The following CCDC175 variants were observed in gnomAD, a reference collection of about 807,000 sequenced individuals.
CCDC175 encodes the protein coiled-coil domain-containing protein 175.
A neutral mutation model predicts 114.6 loss-of-function variants in CCDC175; 100 were observed. That is an observed-to-expected ratio of 0.87 (90% CI 0.74 to 1.03). The LOEUF is 1.03. CCDC175 is among the 50% of genes least tolerant of loss of function. CCDC175 has a pLI of 0.00. For missense variants in CCDC175, 880 were observed against 917.8 expected, an observed-to-expected ratio of 0.96 and a Z score of 0.53; for synonymous variants, 306 against 308.7, an observed-to-expected ratio of 0.99 and a Z score of 0.09.
At chr14:59,525,044 G>A (rs540286963) in intron 16 of CCDC175, among the ~76,000 whole-genome samples, 3 of 152,284 alleles carry the variant, frequency 2.0e-5, no homozygotes, top group Admixed American at 2.0e-4. Flanking sequence ...GCTGGTTAGT[G>A]ACTAGAAGGG....
intron 8 of CCDC175, among the ~76,000 whole-genome samples, chr14:59,548,711 C>T (rs550276911): frequency 6.6e-6 from 1 of 152,192 alleles, no homozygotes; most frequent in Non-Finnish European, 1.5e-5. Flanking sequence ...AACAAACCAA[C>T]CTTGTCTGGT....
intron 17 of CCDC175, among the ~76,000 whole-genome samples, chr14:59,519,893 T>C (rs2139978139): frequency 6.6e-6 from 1 of 152,328 alleles, no homozygotes; most frequent in African/African-American, 2.4e-5. Flanking sequence ...AACTGCTACA[T>C]GGAGAGGCCA....
intron 7 of CCDC175, among the ~76,000 whole-genome samples, chr14:59,560,223 A>AT (rs1184279593): frequency 6.6e-6 from 1 of 152,128 alleles, no homozygotes. Flanking sequence ...ACCTATTATA[A>AT]TTTTAATTAC....
Position 59,550,300 on chromosome 14 carries a change from T to C in CCDC175, c.1035+1055A>G, listed in dbSNP as rs79651346. ...CCAAGGCCTTTTGGTTGAATTTTAATTGTATTACTCACCCTCACCCCCAAT... is the reference window on the plus strand; with the variant it reads ...CCAAGGCCTTTTGGTTGAATTTTAACTGTATTACTCACCCTCACCCCCAAT... On this transcript the variant is annotated intron_variant, in intron 8 of 19. Coordinates refer to ENST00000537690, the MANE Select transcript of CCDC175 (RefSeq NM_001164399.2). Among the ~76,000 whole-genome samples, 838 of 152,300 alleles carry C rather than the reference T, an allele frequency of 5.5e-3. 7 individuals carry two copies. Among genetic ancestry groups the C allele is most frequent in the African/African-American group, 0.019 (806 of 41,550 alleles).
At chr14:59,533,590 C>A (rs1484391777) in intron 13 of CCDC175, among the ~76,000 whole-genome samples, 1 of 152,122 alleles carries the variant, frequency 6.6e-6, no homozygotes, top group Non-Finnish European at 1.5e-5. Flanking sequence ...TGAATAAATA[C>A]AAAGAAGCTA....
intron 7 of CCDC175, among the ~76,000 whole-genome samples, chr14:59,553,534 G>T (rs950684971): frequency 3.9e-5 from 6 of 152,138 alleles, no homozygotes; most frequent in African/African-American, 1.4e-4. Flanking sequence ...AGACCATCGA[G>T]GCTAGGAAGA....
chr14:59,569,305 T>C (rs758998337), intron 3 of CCDC175, among the ~76,000 whole-genome samples: 26 of 152,186 alleles, frequency 1.7e-4, no homozygotes, highest in Admixed American at 6.5e-5. Flanking sequence ...AATATGCACA[T>C]ACATCATCTG....
intron 17 of CCDC175, among the ~76,000 whole-genome samples, chr14:59,515,050 A>C (rs150437760): frequency 0.041 from 6,312 of 152,206 alleles, 164 homozygotes; most frequent in Non-Finnish European, 0.061. Flanking sequence ...CCCAGAATTT[A>C]ATATCCAGCC....
intron 7 of CCDC175, among the ~76,000 whole-genome samples, chr14:59,556,016 A>G (rs1344388076): frequency 6.6e-6 from 1 of 152,234 alleles, no homozygotes; most frequent in Non-Finnish European, 1.5e-5. Context: ...GGTAGAATCA[A>G]TATCATGAAA....
chr14:59,555,930 A>C (rs1396227126), intron 7 of CCDC175, among the ~76,000 whole-genome samples: 1 of 152,138 alleles, frequency 6.6e-6, no homozygotes, highest in African/African-American at 2.4e-5. Context: ...ACCTCTTCAA[A>C]GAGAACTACA....
In CCDC175 at chr14:59,508,565, CAAA is replaced by C. The variant is rs565175219; in HGVS notation, c.2305+2078_2305+2080del. 9.1e-3 allele frequency among the ~76,000 whole-genome samples: 679 copies of C among 74,590 alleles called. 4 individuals carry two copies. Among genetic ancestry groups the C allele is most frequent in the Middle Eastern group, 0.042 (6 of 142 alleles). 48.9% of individuals were successfully genotyped at this position (74,590 alleles called of 152,430 possible). ...GGCAACAGGGTGAGAGGCCCTGTCT[CAAA>C]AAAAAAAAAAAAAAAAAGAGAGAAA... On this transcript the variant is annotated intron_variant, in intron 19 of 19. Transcript: ENST00000537690.
intron 14 of CCDC175, 73 bp downstream of exon 14, chr14:59,531,699 C>T: frequency 1.8e-6 from 2 of 1,086,590 alleles, no homozygotes; most frequent in Non-Finnish European, 2.5e-6. Context: ...AACTGATGAC[C>T]TCCTTGTGTT....
At chr14:59,575,597 C>T (rs1897068714) in intron 1 of CCDC175, among the ~76,000 whole-genome samples, 1 of 150,674 alleles carries the variant, frequency 6.6e-6, no homozygotes, top group African/African-American at 2.4e-5. Context: ...ACAACCTCTG[C>T]CTTCTGAGTT....
intron 17 of CCDC175, among the ~76,000 whole-genome samples, 187 bp from the exon 18 acceptor site, chr14:59,511,990 A>T (rs891067718): frequency 6.6e-6 from 1 of 152,182 alleles, no homozygotes; most frequent in Non-Finnish European, 1.5e-5. Flanking sequence ...GAAGCAAAAC[A>T]TATGAAAGAA....
At chr14:59,538,295 G>A in intron 12 of CCDC175, 141 bp from the exon 13 acceptor site, 1 of 686,352 alleles carries the variant, frequency 1.5e-6, no homozygotes, top group Non-Finnish European at 2.3e-6. Flanking sequence ...ACCACTGAGA[G>A]GAATATTTTT....
At chr14:59,534,452 T>A (rs1218059387) in intron 13 of CCDC175, among the ~76,000 whole-genome samples, 7 of 152,176 alleles carry the variant, frequency 4.6e-5, no homozygotes. Context: ...TTGTTTTTGC[T>A]TCCATTCACT....
intron 7 of CCDC175, 88 bp from the exon 8 acceptor site, chr14:59,551,524 T>C (rs927858896): frequency 5.2e-6 from 3 of 577,158 alleles, no homozygotes; most frequent in South Asian, 2.5e-5. Flanking sequence ...AGCTGCAGTA[T>C]ACAGCTCCCA....
intron 19 of CCDC175, among the ~76,000 whole-genome samples, chr14:59,508,447 G>T (rs1269316902): frequency 1.8e-5 from 1 of 56,480 alleles, no homozygotes. Flanking sequence ...CTGCAGCCAG[G>T]CACAGTGGCA....
At position 59,538,841 on chromosome 14, in the gene CCDC175, C is replaced by T; in HGVS notation, c.1356-1G>A. 1 of 1,526,830 alleles carries T rather than the reference C, an allele frequency of 6.5e-7. No homozygotes were observed. The highest frequency in any genetic ancestry group is 8.7e-7 in the Non-Finnish European group (1 of 1,144,006). 94.6% of individuals were successfully genotyped at this position (1,526,830 alleles called of 1,614,324 possible). On this transcript the variant is annotated splice_acceptor_variant, in intron 11 of 19. Coordinates refer to ENST00000537690, the MANE Select transcript of CCDC175 (RefSeq NM_001164399.2). LOFTEE classifies it high-confidence loss of function. ...AGCCATTTTCCACTGAGTTATAACA[C>T]TAGAGATTAGAGCAAAAAGAATTGC...
Sources: gnomAD v4.1 joint callset for allele counts (sites outside exome capture counted in the v4.1 genomes callset) on GRCh38, gnomAD v4.1.1 for gene constraint, MANE v1.5 for transcripts, NCBI Gene and HGNC (gene_info 2026-07-23, HGNC 2026-07-21) for gene names.